GALNTL6: variants seen among roughly 807,000 people sequenced by gnomAD.
GALNTL6 encodes polypeptide N-acetylgalactosaminyltransferase like 6, also known as polypeptide N-acetylgalactosaminyltransferase-like 6.
A neutral mutation model predicts 73.7 loss-of-function variants in GALNTL6; 46 were observed. The observed-to-expected ratio is 0.62, with a 90% CI of 0.49 to 0.80. GALNTL6 has a LOEUF of 0.80. Ranked by LOEUF, GALNTL6 falls within the 30% of genes least tolerant of loss-of-function variation. The pLI, the probability that GALNTL6 is intolerant of heterozygous loss-of-function variation, is 0.00. For missense variants in GALNTL6, 604 were observed against 755.0 expected, an observed-to-expected ratio of 0.80 and a Z score of 2.34; for synonymous variants, 259 against 263.7, an observed-to-expected ratio of 0.98 and a Z score of 0.17.
At chr4:172,119,277 C>G (rs191655791) in intron 2 of GALNTL6, among the ~76,000 whole-genome samples, 1 of 152,144 alleles carries the variant, frequency 6.6e-6, no homozygotes, top group African/African-American at 2.4e-5. Flanking sequence ...GTATCTCACT[C>G]TAACATTGCA....
chr4:171,900,703 T>C (rs935851227), intron 2 of GALNTL6, among the ~76,000 whole-genome samples: 1 of 152,056 alleles, frequency 6.6e-6, no homozygotes, highest in African/African-American at 2.4e-5. Flanking sequence ...ATTATTTAAT[T>C]ATTAATGATA....
chr4:171,857,010 C>G (rs1299787597), intron 2 of GALNTL6, among the ~76,000 whole-genome samples: 1 of 152,068 alleles, frequency 6.6e-6, no homozygotes, highest in African/African-American at 2.4e-5. Context: ...TGAAATTTAT[C>G]ATCTAGTGGG....
chr4:172,186,957 G>A (rs890873147), intron 2 of GALNTL6, among the ~76,000 whole-genome samples: 5 of 152,022 alleles, frequency 3.3e-5, no homozygotes, highest in South Asian at 2.1e-4. Context: ...AATAAAGTTC[G>A]ATATTTGTTT....
At chr4:172,803,906 A>C (rs1400843872) in intron 5 of GALNTL6, among the ~76,000 whole-genome samples, 1 of 152,154 alleles carries the variant, frequency 6.6e-6, no homozygotes, top group Non-Finnish European at 1.5e-5. Context: ...TGTGCTCCAG[A>C]GATAATTGTG....
Position 172,179,130 on chromosome 4 carries a change from C to T in GALNTL6, c.139-50526C>T, listed in dbSNP as rs1347485606. Among the ~76,000 whole-genome samples, 6 of 146,320 alleles carry T rather than the reference C, an allele frequency of 4.1e-5. No individual in the cohort carries two copies. In the East Asian group the frequency reaches 9.9e-4, roughly 24 times the overall value. On this transcript the variant is annotated intron_variant, in intron 2 of 12. Transcript: ENST00000506823. ...GCAATAAACATACGTGTGCATGTGT[C>T]TTTATAGCAGCATGATTTATAGTCA...
rs75059741 is a variant in GALNTL6, at chr4:172,635,832, A to T, written c.554-173529A>T. On this transcript the variant is annotated intron_variant, in intron 5 of 12. Transcript: ENST00000506823. Reference sequence around the variant, plus strand: ...CATATCATACTTCAGATGCACATTGAACTTAAATTATTCATTTGTTTCTTC... The same window carrying T: ...CATATCATACTTCAGATGCACATTGTACTTAAATTATTCATTTGTTTCTTC... Among the ~76,000 whole-genome samples the T allele has an allele frequency of 9.2e-5, 14 of 152,298 alleles. No individual in the cohort carries two copies. The East Asian group carries it at 2.7e-3, about 29-fold the overall frequency.
chr4:172,875,999 C>T (rs1448586245), intron 7 of GALNTL6, among the ~76,000 whole-genome samples: 1 of 152,146 alleles, frequency 6.6e-6, no homozygotes, highest in African/African-American at 2.4e-5. Context: ...ATATTCTGAG[C>T]TACTTCAGAA....
chr4:172,477,266 A>G (rs1038606673), intron 5 of GALNTL6, among the ~76,000 whole-genome samples: 5 of 151,196 alleles, frequency 3.3e-5, no homozygotes, highest in Non-Finnish European at 5.9e-5. Context: ...AATATTATAA[A>G]AACTAGGGTG....
At chr4:171,860,690 T>C (rs891250233) in intron 2 of GALNTL6, among the ~76,000 whole-genome samples, 49 of 152,200 alleles carry the variant, frequency 3.2e-4, no homozygotes, top group African/African-American at 1.1e-3. Flanking sequence ...TTGATTTTAT[T>C]TGACCAATCA....
chr4:172,467,407 CA>C (rs1259754019), intron 5 of GALNTL6, among the ~76,000 whole-genome samples: 1 of 152,206 alleles, frequency 6.6e-6, no homozygotes, highest in Non-Finnish European at 1.5e-5. Flanking sequence ...CTACCCTATG[CA>C]ACTGCGAGTC....
chr4:172,330,861 G>C (rs1298584634), intron 4 of GALNTL6, among the ~76,000 whole-genome samples: 1 of 151,932 alleles, frequency 6.6e-6, no homozygotes, highest in East Asian at 1.9e-4. Context: ...TTAGTTTTAT[G>C]TTCAGACTGT....
chr4:172,949,288 A>G (rs981240927), intron 9 of GALNTL6, among the ~76,000 whole-genome samples: 1 of 152,210 alleles, frequency 6.6e-6, no homozygotes, highest in Non-Finnish European at 1.5e-5. Context: ...CATGGCACTT[A>G]TGGTCTGAAA....
intron 5 of GALNTL6, among the ~76,000 whole-genome samples, chr4:172,585,301 C>T (rs1321962461): frequency 6.6e-6 from 1 of 151,822 alleles, no homozygotes; most frequent in Non-Finnish European, 1.5e-5. Flanking sequence ...AGGTTTGTTA[C>T]ATAGGTATAC....
intron 5 of GALNTL6, among the ~76,000 whole-genome samples, chr4:172,408,041 G>C (rs565189946): frequency 1.3e-5 from 2 of 152,086 alleles, no homozygotes; most frequent in East Asian, 3.9e-4. Flanking sequence ...CCTTTTTCTT[G>C]CTAATACATA....
intron 5 of GALNTL6, among the ~76,000 whole-genome samples, chr4:172,604,585 G>A (rs1738190038): frequency 6.6e-6 from 1 of 152,164 alleles, no homozygotes; most frequent in Non-Finnish European, 1.5e-5. Flanking sequence ...ATAACAACTA[G>A]ATTTTAAATT....
At chr4:173,036,442 G>A (rs1412003689) in intron 12 of GALNTL6, among the ~76,000 whole-genome samples, 2 of 152,178 alleles carry the variant, frequency 1.3e-5, no homozygotes, top group African/African-American at 2.4e-5. Context: ...CTACAAAGAA[G>A]TGCCCCTTTC....
chr4:172,581,194 A>G (rs1295563385), intron 5 of GALNTL6, among the ~76,000 whole-genome samples: 3 of 152,244 alleles, frequency 2.0e-5, no homozygotes, highest in Admixed American at 6.5e-5. Flanking sequence ...TAAAGTAAAG[A>G]TAAACATATA....
At chr4:172,064,047 C>G (rs1731287707) in intron 2 of GALNTL6, among the ~76,000 whole-genome samples, 1 of 152,186 alleles carries the variant, frequency 6.6e-6, no homozygotes, top group African/African-American at 2.4e-5. Flanking sequence ...GGTTCTGTCT[C>G]TCCAAATAAA....
At chr4:172,183,380 G>A (rs190747997) in intron 2 of GALNTL6, among the ~76,000 whole-genome samples, 1 of 152,296 alleles carries the variant, frequency 6.6e-6, no homozygotes. Context: ...GAAAGAGAGT[G>A]AACTTAGCTG....
Sources: allele counts gnomAD v4.1 joint callset (sites outside exome capture counted in the v4.1 genomes callset), GRCh38; gene constraint gnomAD v4.1.1; transcripts MANE v1.5; gene names NCBI Gene and HGNC (gene_info 2026-07-23, HGNC 2026-07-21).